PRKG1: variants seen among roughly 807,000 people sequenced by gnomAD.
PRKG1 encodes protein kinase cGMP-dependent 1, also known as cGMP-dependent protein kinase 1.
A neutral mutation model predicts 88.1 loss-of-function variants in PRKG1; 35 were observed. The observed-to-expected ratio is 0.40, with a 90% CI of 0.30 to 0.53. PRKG1 has a LOEUF of 0.53. Ranked by LOEUF, PRKG1 falls within the 20% of genes least tolerant of loss-of-function variation. The pLI is 0.59. For synonymous variants in PRKG1, 303 were observed against 292.5 expected (o/e 1.04, Z -0.37); for missense variants, 540 against 839.8 (o/e 0.64, Z 4.41).
intron 13 of PRKG1, among the ~76,000 whole-genome samples, chr10:52,281,556 C>A (rs562101320): frequency 6.6e-6 from 1 of 152,124 alleles, no homozygotes; most frequent in South Asian, 2.1e-4. Flanking sequence ...TCAACCAAAT[C>A]GTTTTAGAAA....
chr10:51,296,520 G>T (rs1010552861), intron 2 of PRKG1, among the ~76,000 whole-genome samples: 2 of 151,992 alleles, frequency 1.3e-5, no homozygotes, highest in African/African-American at 2.4e-5. Context: ...GGCATCCATT[G>T]TAATATCTTC....
At chr10:51,557,976 A>G (rs1336746965) in intron 3 of PRKG1, among the ~76,000 whole-genome samples, 1 of 152,098 alleles carries the variant, frequency 6.6e-6, no homozygotes, top group East Asian at 1.9e-4. Flanking sequence ...ATTTCCAATC[A>G]AGGTTTCTAT....
chr10:51,779,308 A>G (rs2132559431), intron 3 of PRKG1, among the ~76,000 whole-genome samples: 1 of 152,200 alleles, frequency 6.6e-6, no homozygotes, highest in East Asian at 1.9e-4. Flanking sequence ...TGTCTTAGGC[A>G]GCAATACACG....
intron 2 of PRKG1, among the ~76,000 whole-genome samples, chr10:51,427,068 T>C (rs1488511405): frequency 6.6e-6 from 1 of 152,180 alleles, no homozygotes; most frequent in Non-Finnish European, 1.5e-5. Context: ...GTCCTATGAA[T>C]TTCAAAATAT....
At chr10:52,066,668 C>T (rs935981698) in intron 7 of PRKG1, among the ~76,000 whole-genome samples, 11 of 152,088 alleles carry the variant, frequency 7.2e-5, no homozygotes, top group Admixed American at 4.6e-4. Flanking sequence ...GTGATGAGGA[C>T]GGAAATTACT....
intron 9 of PRKG1, among the ~76,000 whole-genome samples, chr10:52,214,484 A>T (rs1840060750): frequency 1.3e-5 from 2 of 152,208 alleles, no homozygotes; most frequent in Admixed American, 1.3e-4. Flanking sequence ...GAGGTCATAG[A>T]TAAACACATC....
chr10:52,021,273 G>A (rs898027299), intron 5 of PRKG1, among the ~76,000 whole-genome samples: 4 of 152,184 alleles, frequency 2.6e-5, no homozygotes, highest in African/African-American at 9.7e-5. Flanking sequence ...TGTATGATAT[G>A]TTGCTTTTGG....
chr10:51,756,409 C>A (rs1049411126), intron 3 of PRKG1, among the ~76,000 whole-genome samples: 3 of 150,942 alleles, frequency 2.0e-5, no homozygotes, highest in Non-Finnish European at 4.4e-5. Context: ...ATTGCTTGAG[C>A]CTGGGAGGTT....
chr10:51,800,594 T>C (rs74132431), intron 3 of PRKG1, among the ~76,000 whole-genome samples: 1,849 of 152,224 alleles, frequency 0.012, 45 homozygotes, highest in African/African-American at 0.042. Flanking sequence ...ATTGCAAAGT[T>C]GAAATTTTTT....
chr10:52,205,592 G>C (rs1439739706), intron 9 of PRKG1, among the ~76,000 whole-genome samples: 1 of 152,160 alleles, frequency 6.6e-6, no homozygotes. Context: ...AGAACCTCTT[G>C]TAAGGCAGGT....
intron 2 of PRKG1, among the ~76,000 whole-genome samples, chr10:51,164,607 A>G (rs908038621): frequency 2.6e-5 from 4 of 152,222 alleles, no homozygotes; most frequent in African/African-American, 4.8e-5. Context: ...TCCGAGCTAC[A>G]GGAGGAAATT....
chr10:51,997,612 A>G (rs1210893557), intron 5 of PRKG1, among the ~76,000 whole-genome samples: 1 of 152,206 alleles, frequency 6.6e-6, no homozygotes, highest in Non-Finnish European at 1.5e-5. Flanking sequence ...ACATTGTGAA[A>G]TAATACATAC....
At chr10:52,165,951 A>C (rs1019136707) in intron 9 of PRKG1, among the ~76,000 whole-genome samples, 2 of 152,232 alleles carry the variant, frequency 1.3e-5, no homozygotes, top group African/African-American at 4.8e-5. Context: ...CTACTGCAGG[A>C]TAGGTGCCCT....
intron 2 of PRKG1, among the ~76,000 whole-genome samples, chr10:51,172,871 A>G (rs1837080944): frequency 6.6e-6 from 1 of 152,062 alleles, no homozygotes. Flanking sequence ...ATATTAAGGA[A>G]CATTTTTAGT....
rs534271610 is a variant in PRKG1 at position 51,544,576 on chromosome 10, T to G, written c.592+76740T>G. Among the ~76,000 whole-genome samples the G allele has an allele frequency of 1.2e-3, 184 of 152,208 alleles. 2 individuals are homozygous for G. The highest frequency in any genetic ancestry group is 4.3e-3 in the African/African-American group (178 of 41,524). On this transcript the variant is annotated intron_variant, in intron 3 of 17. Transcript: ENST00000373980. ...AATCCTTTGGGTATATACCCAGTAA[T>G]GGGATGGCTGGGTCAAATGGTATTT... is the stretch of plus-strand genomic sequence containing the variant.
At chr10:51,765,815 ATTTTT>A (rs398046339) in intron 3 of PRKG1, among the ~76,000 whole-genome samples, 12 of 134,666 alleles carry the variant, frequency 8.9e-5, no homozygotes, top group Admixed American at 2.3e-4. Flanking sequence ...GCCTTACATG[ATTTTT>A]TTTTTTTTTT....
chr10:51,417,719 A>G (rs931789912), intron 2 of PRKG1, among the ~76,000 whole-genome samples: 43 of 152,052 alleles, frequency 2.8e-4, no homozygotes, highest in African/African-American at 9.4e-4. Context: ...TTGGTATGTG[A>G]TTGTCTCAAA....
intron 4 of PRKG1, among the ~76,000 whole-genome samples, chr10:51,871,582 A>G (rs1841160288): frequency 6.6e-6 from 1 of 152,214 alleles, no homozygotes; most frequent in Admixed American, 6.5e-5. Flanking sequence ...TTGGTGGGAG[A>G]ATCATCAGGA....
chr10:51,657,129 T>C (rs898310944), intron 3 of PRKG1, among the ~76,000 whole-genome samples: 1 of 152,204 alleles, frequency 6.6e-6, no homozygotes, highest in African/African-American at 2.4e-5. Context: ...TCTACTGTTA[T>C]CTGTTTTCCC....
Sources: allele counts gnomAD v4.1 joint callset (sites outside exome capture counted in the v4.1 genomes callset), GRCh38; gene constraint gnomAD v4.1.1; transcripts MANE v1.5; gene names NCBI Gene and HGNC (gene_info 2026-07-23, HGNC 2026-07-21).